CSGALNACT1: variants seen among roughly 807,000 people sequenced by gnomAD.
CSGALNACT1 encodes the protein beta4GalNAcT-1.
A neutral mutation model predicts 51.0 loss-of-function variants in CSGALNACT1; 52 were observed. The ratio of observed to expected loss-of-function variants is 1.02; its 90% CI spans 0.82 to 1.29. The LOEUF (loss-of-function observed/expected upper bound fraction) is 1.29. Ranked by LOEUF, CSGALNACT1 falls within the 50% of genes most tolerant of loss-of-function variation. CSGALNACT1 has a pLI of 0.00. For missense variants in CSGALNACT1, 935 were observed against 679.2 expected (o/e 1.38, Z -4.19); for synonymous variants, 341 against 254.4 (o/e 1.34, Z -3.24).
At chr8:19,559,875 G>A (rs528316974) in intron 3 of CSGALNACT1, among the ~76,000 whole-genome samples, 1 of 152,292 alleles carries the variant, frequency 6.6e-6, no homozygotes, top group South Asian at 2.1e-4. Flanking sequence ...TTTATGTGAG[G>A]TGGTGTGGAA....
At chr8:19,728,968 TA>T (rs2063548044) in intron 1 of CSGALNACT1, among the ~76,000 whole-genome samples, 1 of 152,274 alleles carries the variant, frequency 6.6e-6, no homozygotes, top group East Asian at 1.9e-4. Flanking sequence ...ACAAGTTTAC[TA>T]AGGGAAAATT....
chr8:19,714,730 G>A (rs1351566370), intron 1 of CSGALNACT1, among the ~76,000 whole-genome samples: 8 of 150,758 alleles, frequency 5.3e-5, no homozygotes, highest in South Asian at 4.2e-4. Flanking sequence ...GTCTGGTCCC[G>A]ATGACTGCTT....
chr8:19,584,918 G>A (rs2046310305), intron 3 of CSGALNACT1, among the ~76,000 whole-genome samples: 1 of 152,180 alleles, frequency 6.6e-6, no homozygotes, highest in Admixed American at 6.5e-5. Context: ...TAGACAGCAG[G>A]ATGGGGCAGG....
chr8:19,429,624 C>T (rs1346045599), intron 6 of CSGALNACT1, among the ~76,000 whole-genome samples: 9 of 152,224 alleles, frequency 5.9e-5, no homozygotes, highest in Admixed American at 5.9e-4. Context: ...TTTCATTCAT[C>T]AGCTGATAGA....
chr8:19,617,120 C>A (rs1226508556), intron 1 of CSGALNACT1, among the ~76,000 whole-genome samples: 1 of 152,206 alleles, frequency 6.6e-6, no homozygotes, highest in African/African-American at 2.4e-5. Context: ...GCATTACAAT[C>A]TCATAAGGAG....
intron 1 of CSGALNACT1, among the ~76,000 whole-genome samples, chr8:19,745,809 A>T (rs1203337321): frequency 6.6e-6 from 1 of 152,180 alleles, no homozygotes; most frequent in Non-Finnish European, 1.5e-5. Context: ...GCAAGGGAAG[A>T]AGGTTTTAAT....
chr8:19,425,736 G>A (rs1160862543), intron 6 of CSGALNACT1, among the ~76,000 whole-genome samples: 1 of 152,186 alleles, frequency 6.6e-6, no homozygotes, highest in Non-Finnish European at 1.5e-5. Context: ...CGGATAGACT[G>A]AGCCTTCCCT....
intron 7 of CSGALNACT1, among the ~76,000 whole-genome samples, chr8:19,419,219 C>A (rs944483890): frequency 1.3e-5 from 2 of 152,194 alleles, no homozygotes; most frequent in African/African-American, 4.8e-5. Context: ...GTGGACCAGA[C>A]AGTCATATCT....
chr8:19,615,163 G>A (rs529911054), intron 1 of CSGALNACT1, among the ~76,000 whole-genome samples: 1 of 152,154 alleles, frequency 6.6e-6, no homozygotes, highest in Non-Finnish European at 1.5e-5. Context: ...AATTAACCAG[G>A]CATGCTGGCG....
chr8:19,433,111 A>G (rs2059885683), intron 6 of CSGALNACT1, among the ~76,000 whole-genome samples: 1 of 152,192 alleles, frequency 6.6e-6, no homozygotes, highest in Non-Finnish European at 1.5e-5. Context: ...ACTTTTCTGA[A>G]CTAATTCTAT....
At chr8:19,741,176 C>A (rs761566881) in intron 1 of CSGALNACT1, among the ~76,000 whole-genome samples, 1 of 152,196 alleles carries the variant, frequency 6.6e-6, no homozygotes, top group Non-Finnish European at 1.5e-5. Flanking sequence ...CTTTAATCAT[C>A]TGCATGGATA....
intron 3 of CSGALNACT1, among the ~76,000 whole-genome samples, chr8:19,535,459 T>C (rs2083553994): frequency 6.6e-6 from 1 of 152,216 alleles, no homozygotes; most frequent in Non-Finnish European, 1.5e-5. Flanking sequence ...GATTTACCAG[T>C]TGAACTCTCC....
upstream of CSGALNACT1, among the ~76,000 whole-genome samples, chr8:19,683,788 T>A (rs1207513543): frequency 6.6e-6 from 1 of 151,818 alleles, no homozygotes; most frequent in East Asian, 1.9e-4. Context: ...GTAATAAATG[T>A]AAGAAAAGTC....
intron 3 of CSGALNACT1, among the ~76,000 whole-genome samples, chr8:19,558,907 T>C (rs911648418): frequency 6.6e-5 from 10 of 152,192 alleles, no homozygotes; most frequent in Non-Finnish European, 1.3e-4. Context: ...TAAAGGAATT[T>C]TTCTCATTAT....
chr8:19,729,892 AC>A (rs1199980176), intron 1 of CSGALNACT1, among the ~76,000 whole-genome samples: 5 of 152,042 alleles, frequency 3.3e-5, no homozygotes, highest in Admixed American at 6.6e-5. Context: ...GGGAACTGTC[AC>A]CTTTTTGTGA....
intron 1 of CSGALNACT1, among the ~76,000 whole-genome samples, chr8:19,666,904 A>G (rs1490108414): frequency 6.9e-6 from 1 of 144,128 alleles, no homozygotes. Flanking sequence ...GAAGTGAGGA[A>G]GGGAGGAAGG....
intron 3 of CSGALNACT1, among the ~76,000 whole-genome samples, chr8:19,587,582 G>C (rs1264584552): frequency 6.6e-6 from 1 of 152,096 alleles, no homozygotes; most frequent in African/African-American, 2.4e-5. Context: ...AAATTTCCTG[G>C]AATAAGGTTA....
At chr8:19,492,566 C>T (rs1237058627) in intron 4 of CSGALNACT1, among the ~76,000 whole-genome samples, 1 of 152,200 alleles carries the variant, frequency 6.6e-6, no homozygotes, top group Non-Finnish European at 1.5e-5. Flanking sequence ...GGCCAAGCCT[C>T]ACCTGTGTCA....
At chr8:19,676,549 T>C (rs958237295) in intron 1 of CSGALNACT1, among the ~76,000 whole-genome samples, 3 of 152,214 alleles carry the variant, frequency 2.0e-5, no homozygotes, top group Admixed American at 2.0e-4. Flanking sequence ...TGAACGATTA[T>C]AATAAATTCA....
Sources: allele counts gnomAD v4.1 joint callset (sites outside exome capture counted in the v4.1 genomes callset), GRCh38; gene constraint gnomAD v4.1.1; transcripts MANE v1.5; gene names NCBI Gene and HGNC (gene_info 2026-07-23, HGNC 2026-07-21).